KATNBL1: variants seen among roughly 807,000 people sequenced by gnomAD.
KATNBL1 encodes the protein KATNB1-like protein 1.
Under a neutral mutation model 44.7 loss-of-function variants are expected in KATNBL1, and 28 were observed. That is an observed-to-expected ratio of 0.63 (90% CI 0.46 to 0.86). KATNBL1 has a LOEUF of 0.86. Among genes scored for constraint, KATNBL1 ranks in the 40% least tolerant of loss-of-function variants. The probability of loss-of-function intolerance (pLI) is 0.00; values close to 1 mark genes in which losing one functional copy is unlikely to be tolerated. For missense variants in KATNBL1, 272 were observed against 350.7 expected (o/e 0.78, Z 1.79); for synonymous variants, 78 against 114.9 (o/e 0.68, Z 2.06).
At chr15:34,143,793 C>CAAAAAAA (rs560420668) in intron 9 of KATNBL1, among the ~76,000 whole-genome samples, 558 of 63,964 alleles carry the variant, frequency 8.7e-3, no homozygotes, top group African/African-American at 0.01. Flanking sequence ...ACTAAAAATA[C>CAAAAAAA]AAAAAAAAAA....
chr15:34,169,280 T>C (rs925012848), intron 1 of KATNBL1, among the ~76,000 whole-genome samples: 17 of 152,090 alleles, frequency 1.1e-4, no homozygotes, highest in Non-Finnish European at 2.2e-4. Context: ...GCCCCAGAAA[T>C]ACAAACTGCC....
At chr15:34,196,708 A>G (rs1266354399) in intron 1 of KATNBL1, among the ~76,000 whole-genome samples, 1 of 152,218 alleles carries the variant, frequency 6.6e-6, no homozygotes, top group Non-Finnish European at 1.5e-5. Context: ...ACCCTGGGTA[A>G]CAAAACCAGA....
At position 34,163,636 on chromosome 15, in the gene KATNBL1, C is replaced by G. The variant is rs1056741595; in HGVS notation, c.41G>C (p.Cys14Ser). 6.3e-7 allele frequency: 1 copy of G among 1,597,088 alleles called. No individual in the cohort carries two copies. The highest frequency in any genetic ancestry group is 1.4e-5 in the African/African-American group (1 of 73,942). Reference protein sequence around the residue: ...ETHNVKKRNFCNKIEDHFIDL... With the variant: ...ETHNVKKRNFSNKIEDHFIDL... ...AATGAAATGATCCTCAATCTTATTA[C>G]AAAAGTTCCGTTTTTTAACATTGTG... is the stretch of plus-strand genomic sequence containing the variant. The change falls in exon 2 of 10, where the codon TGT becomes TCT. Residue 14 changes from cysteine (C) to serine (S), a missense_variant. Transcript: ENST00000256544.
intron 9 of KATNBL1, among the ~76,000 whole-genome samples, chr15:34,143,953 C>T (rs1450734458): frequency 1.9e-4 from 20 of 103,026 alleles, no homozygotes; most frequent in Non-Finnish European, 3.3e-4. Flanking sequence ...GGCGACAGAG[C>T]GAGATTCCAT....
intron 1 of KATNBL1, among the ~76,000 whole-genome samples, chr15:34,196,727 CAAAA>C (rs1890039685): frequency 6.6e-6 from 1 of 152,022 alleles, no homozygotes; most frequent in Non-Finnish European, 1.5e-5. Context: ...GACTCCGTCT[CAAAA>C]AGAAAGAAAG....
intron 1 of KATNBL1, among the ~76,000 whole-genome samples, chr15:34,189,933 A>G (rs939633140): frequency 1.2e-4 from 18 of 145,740 alleles, no homozygotes; most frequent in African/African-American, 3.5e-4. Flanking sequence ...CAAGAGATGA[A>G]TAAGAAGTAC....
At chr15:34,179,540 C>G (rs1224918889) in intron 1 of KATNBL1, among the ~76,000 whole-genome samples, 3 of 152,012 alleles carry the variant, frequency 2.0e-5, no homozygotes, top group African/African-American at 7.3e-5. Flanking sequence ...TCATAGGTTG[C>G]CCAGGCTGGC....
chr15:34,156,077 A>G (rs1888628259), intron 2 of KATNBL1, among the ~76,000 whole-genome samples: 1 of 152,210 alleles, frequency 6.6e-6, no homozygotes, highest in Admixed American at 6.5e-5. Flanking sequence ...CAGAGTGTCC[A>G]GCAAAGGTCT....
chr15:34,184,318 T>A (rs1183426584), intron 1 of KATNBL1, among the ~76,000 whole-genome samples: 6 of 93,874 alleles, frequency 6.4e-5, no homozygotes, highest in Admixed American at 1.9e-4. Flanking sequence ...AAAAAAAAAA[T>A]TAGCTGGGCG....
At chr15:34,143,093 C>G in intron 9 of KATNBL1, 1 of 1,089,458 alleles carries the variant, frequency 9.2e-7, no homozygotes, top group Non-Finnish European at 1.2e-6. Context: ...TAAGGAACTT[C>G]GCATTGAACT....
chr15:34,146,594 G>C, intron 8 of KATNBL1, 167 bp downstream of exon 8: 1 of 550,172 alleles, frequency 1.8e-6, no homozygotes, highest in South Asian at 2.5e-5. Context: ...TCAATTTCCA[G>C]GTGTGGTTTT....
intron 3 of KATNBL1, among the ~76,000 whole-genome samples, chr15:34,153,618 T>C (rs1888550068): frequency 1.3e-5 from 2 of 152,146 alleles, no homozygotes; most frequent in African/African-American, 4.8e-5. Context: ...GTTGCCAGGC[T>C]AGTGTGCAGT....
chr15:34,151,544 C>T (rs1235349022), intron 4 of KATNBL1, among the ~76,000 whole-genome samples: 3 of 139,134 alleles, frequency 2.2e-5, no homozygotes, highest in Admixed American at 1.6e-4. Flanking sequence ...CTTTGCCTCC[C>T]GGGTTCAAGC....
At chr15:34,176,220 G>GA (rs915184165) in intron 1 of KATNBL1, among the ~76,000 whole-genome samples, 4 of 151,308 alleles carry the variant, frequency 2.6e-5, no homozygotes, top group African/African-American at 7.3e-5. Context: ...ACTAAAAACA[G>GA]AAAAAAAATA....
intron 1 of KATNBL1, among the ~76,000 whole-genome samples, chr15:34,188,147 A>C: frequency 6.8e-6 from 1 of 146,472 alleles, no homozygotes; most frequent in Non-Finnish European, 1.5e-5. Flanking sequence ...TAAAAAAAAA[A>C]AAAAAAAAAA....
At chr15:34,145,162 T>C in intron 9 of KATNBL1, 2 of 1,321,534 alleles carry the variant, frequency 1.5e-6, no homozygotes, top group South Asian at 2.6e-5. Flanking sequence ...GTAAATATCC[T>C]CTAGCATAGC....
intron 1 of KATNBL1, chr15:34,198,210 A>C (rs1011224140): frequency 2.0e-5 from 3 of 152,210 alleles, no homozygotes; most frequent in African/African-American, 7.2e-5. Context: ...TCTAAGGTAG[A>C]ATTTTTGGTG....
chr15:34,164,127 C>T (rs529041932), intron 1 of KATNBL1, among the ~76,000 whole-genome samples: 1 of 152,336 alleles, frequency 6.6e-6, no homozygotes, highest in African/African-American at 2.4e-5. Flanking sequence ...CTCCTGACCT[C>T]AGGTGATCCA....
chr15:34,171,000 A>G (rs932096603), intron 1 of KATNBL1, among the ~76,000 whole-genome samples: 4 of 152,230 alleles, frequency 2.6e-5, no homozygotes, highest in Non-Finnish European at 5.9e-5. Context: ...AAACCTAGAC[A>G]ATACCATTCA....
Sources: gnomAD v4.1 joint callset for allele counts (sites outside exome capture counted in the v4.1 genomes callset) on GRCh38, gnomAD v4.1.1 for gene constraint, MANE v1.5 for transcripts, NCBI Gene and HGNC (gene_info 2026-07-23, HGNC 2026-07-21) for gene names.